MAMDC2: variants seen among roughly 807,000 people sequenced by gnomAD.
MAMDC2 encodes MAM domain-containing protein 2.
In MAMDC2, 57 loss-of-function variants were observed where a neutral mutation model predicts 89.8. The ratio of observed to expected loss-of-function variants is 0.63; its 90% CI spans 0.51 to 0.79. MAMDC2 has a LOEUF of 0.79. Among genes scored for constraint, MAMDC2 ranks in the 30% least tolerant of loss-of-function variants. The pLI, the probability that MAMDC2 is intolerant of heterozygous loss-of-function variation, is 0.00. For missense variants in MAMDC2, 800 were observed against 820.6 expected, an observed-to-expected ratio of 0.97 and a Z score of 0.31; for synonymous variants, 313 against 293.4, an observed-to-expected ratio of 1.07 and a Z score of -0.68.
intron 11 of MAMDC2, chr9:70,217,170 T>C: frequency 1.5e-6 from 1 of 675,470 alleles, no homozygotes. Flanking sequence ...TTCGCCATCT[T>C]TTCTCTTCCC....
In MAMDC2 at chr9:70,111,938, T is replaced by A. The variant is rs181002499; in HGVS notation, c.506-1057T>A. Among the ~76,000 whole-genome samples, 126 of 152,338 alleles carry A rather than the reference T, an allele frequency of 8.3e-4. 1 individual carries two copies. The highest frequency in any genetic ancestry group is 3.0e-3 in the African/African-American group (123 of 41,588). On this transcript the variant is annotated intron_variant, in intron 4 of 13. Transcript: ENST00000377182. ...GTTTCCAGTACCTGTAAACAATAGC[T>A]ATTTGTCAAACAAGGGCTGCTTGAC...
At chr9:70,124,096 G>T (rs111958527) in intron 5 of MAMDC2, among the ~76,000 whole-genome samples, 21 of 152,184 alleles carry the variant, frequency 1.4e-4, no homozygotes, top group African/African-American at 4.8e-4. Flanking sequence ...GCTGGGTGCC[G>T]GGCATCCGCT....
intron 5 of MAMDC2, among the ~76,000 whole-genome samples, chr9:70,117,161 C>G (rs189255105): frequency 3.2e-3 from 491 of 152,284 alleles, no homozygotes; most frequent in Non-Finnish European, 5.7e-3. Context: ...TTCCTTCACT[C>G]ATTCAACAAA....
intron 5 of MAMDC2, among the ~76,000 whole-genome samples, chr9:70,120,022 G>A (rs182983156): frequency 4.5e-4 from 69 of 152,234 alleles, no homozygotes; most frequent in Admixed American, 3.3e-4. Context: ...TATAAGTCAC[G>A]GTATGCCCTA....
chr9:70,173,320 G>A (rs1376805180), intron 11 of MAMDC2, among the ~76,000 whole-genome samples: 1 of 152,122 alleles, frequency 6.6e-6, no homozygotes. Context: ...ATTCCCCACA[G>A]AATTTAGTAT....
chr9:70,112,859 G>A (rs1828546615), intron 4 of MAMDC2, 136 bp from the exon 5 acceptor site: 7 of 1,028,944 alleles, frequency 6.8e-6, no homozygotes, highest in Non-Finnish European at 1.0e-5. Flanking sequence ...AAATTGTGCA[G>A]GGGTCCTGGT....
chr9:70,196,548 T>C (rs2032978286), intron 11 of MAMDC2, among the ~76,000 whole-genome samples: 1 of 152,020 alleles, frequency 6.6e-6, no homozygotes, highest in Non-Finnish European at 1.5e-5. Flanking sequence ...AAGGGATGGT[T>C]ACATAGATTC....
At chr9:70,059,504 T>A (rs1390189737) in intron 2 of MAMDC2, among the ~76,000 whole-genome samples, 2 of 152,224 alleles carry the variant, frequency 1.3e-5, no homozygotes, top group East Asian at 3.9e-4. Flanking sequence ...TCTTTCCTCC[T>A]CCCGCTGGCT....
chr9:70,113,121 A>C lies in MAMDC2; in HGVS notation c.632A>C (p.Lys211Thr). Reference sequence around the variant, plus strand: ...ATTCTCCCACAGGATCACACCTTCAAGAGTGAACTGGGTGAGCTGGGATCA... The same window carrying C: ...ATTCTCCCACAGGATCACACCTTCACGAGTGAACTGGGTGAGCTGGGATCA... ...HSILPQDHTFKSELGHYMYVD... is the reference protein window; with the variant it reads ...HSILPQDHTFTSELGHYMYVD... The change falls in exon 5 of 14, where the codon AAG (lysine) becomes ACG (threonine). Residue 211 changes from lysine (K) to threonine (T), a missense_variant. Lys to Thr is a moderately conservative substitution (Grantham distance 78). Coordinates refer to ENST00000377182, the MANE Select transcript of MAMDC2 (RefSeq NM_153267.5). The C allele has an allele frequency of 6.2e-7, 1 of 1,614,026 alleles. No individual in the cohort carries two copies. The highest frequency in any genetic ancestry group is 1.1e-5 in the South Asian group (1 of 91,080).
chr9:70,049,346 C>T (rs760422348), intron 2 of MAMDC2, among the ~76,000 whole-genome samples: 5 of 152,124 alleles, frequency 3.3e-5, no homozygotes, highest in South Asian at 2.1e-4. Flanking sequence ...TGGCCATCTG[C>T]GTTTCAGTTC....
intron 2 of MAMDC2, among the ~76,000 whole-genome samples, chr9:70,080,460 G>C (rs1827627730): frequency 6.6e-6 from 1 of 152,174 alleles, no homozygotes; most frequent in Admixed American, 6.6e-5. Flanking sequence ...TTGCCTAACA[G>C]TCTGTAATAT....
Position 70,141,396 on chromosome 9 carries a change from C to T in MAMDC2, c.1138+1108C>T, listed in dbSNP as rs555938245. On this transcript the variant is annotated intron_variant, in intron 8 of 13. Transcript: ENST00000377182. ...CAAGCAGATTAACTCCTGGGGAATA[C>T]AATAGTGAACGAATCTGAAATGAAT... is the stretch of plus-strand genomic sequence containing the variant. Among the ~76,000 whole-genome samples, 3 of 152,258 alleles carry T rather than the reference C, an allele frequency of 2.0e-5. No homozygotes were observed. The South Asian group carries it at 6.2e-4, about 32-fold the overall frequency.
chr9:70,203,274 T>TTG (rs1272369384), intron 11 of MAMDC2, among the ~76,000 whole-genome samples: 1 of 152,012 alleles, frequency 6.6e-6, no homozygotes, highest in Non-Finnish European at 1.5e-5. Context: ...CGGTCAGCAT[T>TTG]TGCTTGTCTG....
intron 3 of MAMDC2, 120 bp from the exon 4 acceptor site, chr9:70,109,594 GCTGAGA>G: frequency 1.4e-6 from 1 of 720,434 alleles, no homozygotes; most frequent in East Asian, 2.6e-5. Flanking sequence ...ATAGCAATTA[GCTGAGA>G]CTAACAATCC....
At position 70,170,328 on chromosome 9, in the gene MAMDC2, G is replaced by A. The variant is rs187947068; in HGVS notation, c.1499-151G>A. The A allele has an allele frequency of 2.2e-3, 1,497 of 685,628 alleles. 4 individuals carry two copies. The highest frequency in any genetic ancestry group is 2.2e-3 in the South Asian group (78 of 35,244). The allele number at this position is 685,628 out of a possible 1,614,324, so 42.5% of individuals were successfully genotyped here. On this transcript the variant is annotated intron_variant, in intron 10 of 13. Transcript: ENST00000377182. Reference sequence around the variant, plus strand: ...GGAATGCAGCCTCTAGCTGGAAGCAGTGGCTCCGTGTAGGTGGGCCACCAG... The same window carrying A: ...GGAATGCAGCCTCTAGCTGGAAGCAATGGCTCCGTGTAGGTGGGCCACCAG...
At chr9:70,076,561 A>T (rs1827538496) in intron 2 of MAMDC2, among the ~76,000 whole-genome samples, 1 of 152,186 alleles carries the variant, frequency 6.6e-6, no homozygotes, top group African/African-American at 2.4e-5. Flanking sequence ...GTGTAGAATG[A>T]TTCTGAGATG....
intron 2 of MAMDC2, among the ~76,000 whole-genome samples, chr9:70,051,833 G>A (rs1482840238): frequency 6.6e-6 from 1 of 151,930 alleles, no homozygotes; most frequent in East Asian, 1.9e-4. Context: ...TAGGTTCTTG[G>A]AGTGTTTGAT....
At chr9:70,058,750 T>G (rs1456978982) in intron 2 of MAMDC2, among the ~76,000 whole-genome samples, 2 of 152,210 alleles carry the variant, frequency 1.3e-5, no homozygotes, top group East Asian at 3.8e-4. Flanking sequence ...AGTTCTGATG[T>G]GAGTGACTAA....
intron 12 of MAMDC2, 31 bp from the exon 13 acceptor site, chr9:70,225,719 A>G (rs776895276): frequency 7.2e-7 from 1 of 1,391,894 alleles, no homozygotes; most frequent in Non-Finnish European, 1.0e-6. Flanking sequence ...GGATGATTCT[A>G]TTTCTAAATT....
Sources: allele counts gnomAD v4.1 joint callset (sites outside exome capture counted in the v4.1 genomes callset), GRCh38; gene constraint gnomAD v4.1.1; transcripts MANE v1.5; gene names NCBI Gene and HGNC (gene_info 2026-07-23, HGNC 2026-07-21).